Variants in SLC39A11 observed in about 807,000 individuals in gnomAD.
The protein encoded by SLC39A11 is zinc transporter ZIP11.
In SLC39A11, 33 loss-of-function variants were observed where a neutral mutation model predicts 36.1. The observed-to-expected ratio is 0.91, with a 90% CI of 0.69 to 1.22. The LOEUF (loss-of-function observed/expected upper bound fraction) is 1.22. Among genes scored for constraint, SLC39A11 ranks in the 50% most tolerant of loss-of-function variants. The pLI is 0.00. For missense variants in SLC39A11, 432 were observed against 430.3 expected, an observed-to-expected ratio of 1.00 and a Z score of -0.03; for synonymous variants, 166 against 170.3, an observed-to-expected ratio of 0.97 and a Z score of 0.20.
intron 3 of SLC39A11, among the ~76,000 whole-genome samples, chr17:73,061,727 G>A (rs1024742469): frequency 6.6e-6 from 1 of 152,172 alleles, no homozygotes. Flanking sequence ...TGGGCAAGTG[G>A]CTCATGCCTA....
chr17:72,894,008 G>C (rs1312612000), intron 5 of SLC39A11, among the ~76,000 whole-genome samples: 2 of 152,138 alleles, frequency 1.3e-5, no homozygotes, highest in Non-Finnish European at 2.9e-5. Context: ...CAGTGAGTGT[G>C]ATCAGTATGT....
chr17:72,930,893 C>T (rs938699994), intron 5 of SLC39A11, among the ~76,000 whole-genome samples: 26 of 152,162 alleles, frequency 1.7e-4, no homozygotes, highest in Middle Eastern at 3.4e-3. Context: ...AGGGAAGGAC[C>T]CCAGGGTGGC....
intron 4 of SLC39A11, among the ~76,000 whole-genome samples, chr17:73,021,214 C>T (rs963235720): frequency 4.6e-5 from 7 of 152,182 alleles, no homozygotes; most frequent in Non-Finnish European, 8.8e-5. Context: ...ATGACCAGGA[C>T]CTGCTCTATG....
At chr17:72,723,769 T>C (rs1175547366) in intron 7 of SLC39A11, among the ~76,000 whole-genome samples, 1 of 152,138 alleles carries the variant, frequency 6.6e-6, no homozygotes, top group East Asian at 1.9e-4. Context: ...TAGCAGGTAA[T>C]CAGATCATTC....
chr17:72,824,458 G>A (rs1598883373), intron 6 of SLC39A11, among the ~76,000 whole-genome samples: 1 of 151,390 alleles, frequency 6.6e-6, no homozygotes, highest in African/African-American at 2.4e-5. Context: ...GACTAATATA[G>A]TAAATTGGTA....
chr17:72,759,073 C>T (rs906300194), intron 6 of SLC39A11, among the ~76,000 whole-genome samples: 7 of 147,942 alleles, frequency 4.7e-5, no homozygotes, highest in African/African-American at 1.5e-4. Context: ...TGCACTCCAG[C>T]CTGGGCAACA....
chr17:72,695,128 G>T (rs1419601347), intron 7 of SLC39A11, among the ~76,000 whole-genome samples: 1 of 152,212 alleles, frequency 6.6e-6, no homozygotes, highest in Non-Finnish European at 1.5e-5. Flanking sequence ...GTAGAAACGG[G>T]AAGTCTGTTT....
intron 6 of SLC39A11, among the ~76,000 whole-genome samples, chr17:72,806,863 G>A (rs1485290154): frequency 5.9e-5 from 9 of 152,324 alleles, no homozygotes; most frequent in South Asian, 2.1e-4. Context: ...GATTACAGGC[G>A]TGAGCCACCG....
At chr17:72,841,733 A>C (rs1567804219) in intron 6 of SLC39A11, among the ~76,000 whole-genome samples, 2 of 152,164 alleles carry the variant, frequency 1.3e-5, no homozygotes, top group East Asian at 3.8e-4. Flanking sequence ...TAAATGCTTA[A>C]GTTGATGGGT....
intron 6 of SLC39A11, among the ~76,000 whole-genome samples, chr17:72,773,471 C>T (rs1318323648): frequency 6.6e-6 from 1 of 152,270 alleles, no homozygotes; most frequent in African/African-American, 2.4e-5. Flanking sequence ...TCTCATTCTT[C>T]TCCTTACTGT....
intron 5 of SLC39A11, among the ~76,000 whole-genome samples, chr17:72,853,634 C>G (rs559534620): frequency 2.6e-5 from 4 of 152,104 alleles, no homozygotes; most frequent in African/African-American, 7.2e-5. Context: ...TGAAAACTGA[C>G]GTCAGTGCCT....
intron 7 of SLC39A11, among the ~76,000 whole-genome samples, chr17:72,719,535 C>A (rs577700898): frequency 6.6e-5 from 10 of 152,368 alleles, no homozygotes; most frequent in Admixed American, 5.2e-4. Flanking sequence ...CCTCAGCAGG[C>A]TGCCCTGGAA....
intron 6 of SLC39A11, among the ~76,000 whole-genome samples, chr17:72,829,648 G>A (rs754333622): frequency 1.3e-5 from 2 of 152,130 alleles, no homozygotes; most frequent in South Asian, 2.1e-4. Flanking sequence ...CTGGGATTCC[G>A]GACAGATCCG....
At chr17:73,031,063 T>C (rs2058723530) in intron 4 of SLC39A11, among the ~76,000 whole-genome samples, 1 of 152,200 alleles carries the variant, frequency 6.6e-6, no homozygotes, top group South Asian at 2.1e-4. Flanking sequence ...CTCAGGGATA[T>C]ACAATCAGTA....
chr17:72,887,638 C>A (rs2081501851), intron 5 of SLC39A11, among the ~76,000 whole-genome samples: 1 of 152,174 alleles, frequency 6.6e-6, no homozygotes, highest in South Asian at 2.1e-4. Context: ...AAACCATGTC[C>A]TTTTTCCTAT....
intron 5 of SLC39A11, among the ~76,000 whole-genome samples, chr17:72,865,907 C>T (rs1598179784): frequency 6.6e-6 from 1 of 152,190 alleles, no homozygotes; most frequent in Non-Finnish European, 1.5e-5. Context: ...GAAAACTCAA[C>T]AGACAAATTA....
intron 7 of SLC39A11, among the ~76,000 whole-genome samples, chr17:72,661,317 C>T (rs1245930165): frequency 2.0e-5 from 3 of 151,960 alleles, no homozygotes; most frequent in Admixed American, 6.5e-5. Flanking sequence ...TTCTGGGGTT[C>T]GAGGTGCACG....
At chr17:72,879,903 C>T (rs879899792) in intron 5 of SLC39A11, among the ~76,000 whole-genome samples, 1 of 152,260 alleles carries the variant, frequency 6.6e-6, no homozygotes, top group Admixed American at 6.5e-5. Context: ...CTTCAGCTCC[C>T]TGTCCCATGA....
At chr17:72,918,072 T>A (rs2083433580) in intron 5 of SLC39A11, among the ~76,000 whole-genome samples, 1 of 152,242 alleles carries the variant, frequency 6.6e-6, no homozygotes, top group Non-Finnish European at 1.5e-5. Flanking sequence ...TGGTGCTTAT[T>A]ATCTCTCCTC....
Sources: allele counts gnomAD v4.1 joint callset (sites outside exome capture counted in the v4.1 genomes callset), GRCh38; gene constraint gnomAD v4.1.1; transcripts MANE v1.5; gene names NCBI Gene and HGNC (gene_info 2026-07-23, HGNC 2026-07-21).